AGBL4: variants seen among roughly 807,000 people sequenced by gnomAD.
AGBL4 encodes cytosolic carboxypeptidase 6.
AGBL4 carries 58 observed loss-of-function variants against 66.4 expected under a neutral mutation model. That is an observed-to-expected ratio of 0.87 (90% CI 0.71 to 1.09). AGBL4 has a LOEUF of 1.09. AGBL4 is among the 50% of genes least tolerant of loss of function. The pLI is 0.00. For missense variants in AGBL4, 579 were observed against 631.0 expected (o/e 0.92, Z 0.88); for synonymous variants, 234 against 222.9 (o/e 1.05, Z -0.44).
At chr1:49,286,511 A>G (rs1475309307) in intron 3 of AGBL4, among the ~76,000 whole-genome samples, 2 of 152,194 alleles carry the variant, frequency 1.3e-5, no homozygotes, top group Non-Finnish European at 2.9e-5. Flanking sequence ...AACTTCAGCA[A>G]AGTCTCAGGA....
In AGBL4 at chr1:48,743,984, C is replaced by A. The variant is rs189637690; in HGVS notation, c.635-80743G>T. Among the ~76,000 whole-genome samples, 30 of 152,296 alleles carry A rather than the reference C, an allele frequency of 2.0e-4. No homozygotes were observed. In the East Asian group the frequency reaches 5.4e-3, roughly 27 times the overall value. ...AATGAAACTTGCACAAAGCTGAATG[C>A]AAGATGGTTGGGGAGCAGAACAGTG... On this transcript the variant is annotated intron_variant, in intron 6 of 13. Coordinates refer to ENST00000371839, the MANE Select transcript of AGBL4 (RefSeq NM_032785.4).
At chr1:49,086,754 A>T (rs1450452089) in intron 4 of AGBL4, among the ~76,000 whole-genome samples, 1 of 152,052 alleles carries the variant, frequency 6.6e-6, no homozygotes, top group Non-Finnish European at 1.5e-5. Context: ...CCTCTGCCTG[A>T]ACTCTGTGGG....
At chr1:48,584,846 G>C (rs1007978593) in intron 11 of AGBL4, 2 of 152,126 alleles carry the variant, frequency 1.3e-5, no homozygotes, top group African/African-American at 4.8e-5. Flanking sequence ...TATGTTCTCT[G>C]TTACATTCCC....
chr1:48,735,155 T>C (rs574489833), intron 6 of AGBL4, among the ~76,000 whole-genome samples: 68 of 152,360 alleles, frequency 4.5e-4, no homozygotes, highest in African/African-American at 1.4e-3. Flanking sequence ...CAAAAACCCC[T>C]AAATCCTGAA....
chr1:48,528,512 G>A (rs145721036), downstream of AGBL4, among the ~76,000 whole-genome samples: 19 of 152,204 alleles, frequency 1.2e-4, no homozygotes, highest in East Asian at 3.5e-3. Flanking sequence ...TTCGGGCTTA[G>A]TGTCGAGGTC....
intron 3 of AGBL4, among the ~76,000 whole-genome samples, chr1:49,513,310 A>C (rs936688624): frequency 6.6e-5 from 10 of 151,990 alleles, no homozygotes; most frequent in Non-Finnish European, 1.5e-4. Context: ...ACGGGGGTAC[A>C]TGTGCAGATT....
intron 5 of AGBL4, among the ~76,000 whole-genome samples, chr1:48,965,038 C>G (rs1658307730): frequency 6.6e-6 from 1 of 152,142 alleles, no homozygotes; most frequent in Admixed American, 6.6e-5. Flanking sequence ...CTGCCTATTG[C>G]TTTCCTTCCT....
chr1:48,726,417 CAT>C (rs1204358049), intron 6 of AGBL4, among the ~76,000 whole-genome samples: 1 of 152,142 alleles, frequency 6.6e-6, no homozygotes, highest in African/African-American at 2.4e-5. Context: ...CTTAAATGAA[CAT>C]ATCTTATCAA....
intron 6 of AGBL4, among the ~76,000 whole-genome samples, chr1:48,759,553 C>T (rs2148657949): frequency 6.6e-6 from 1 of 152,314 alleles, no homozygotes. Flanking sequence ...TTTTCCTTTT[C>T]ACCACTCTGC....
At chr1:48,846,824 T>C (rs1646927857) in intron 6 of AGBL4, among the ~76,000 whole-genome samples, 1 of 152,190 alleles carries the variant, frequency 6.6e-6, no homozygotes, top group Non-Finnish European at 1.5e-5. Flanking sequence ...TCATGTATTT[T>C]TTTTTTTACT....
intron 1 of AGBL4, among the ~76,000 whole-genome samples, chr1:49,945,363 A>T (rs1204906138): frequency 6.6e-6 from 1 of 152,094 alleles, no homozygotes; most frequent in Non-Finnish European, 1.5e-5. Context: ...TTAACAGCAG[A>T]TTTCTCAGCA....
At chr1:49,430,600 T>C (rs1249182037) in intron 3 of AGBL4, among the ~76,000 whole-genome samples, 1 of 152,192 alleles carries the variant, frequency 6.6e-6, no homozygotes, top group Non-Finnish European at 1.5e-5. Context: ...AGTTAGAATA[T>C]GTCTAAAGGT....
At chr1:49,467,451 G>T (rs1557968053) in intron 3 of AGBL4, among the ~76,000 whole-genome samples, 1 of 151,552 alleles carries the variant, frequency 6.6e-6, no homozygotes. Flanking sequence ...TTTCTCTTTA[G>T]GCCTGTTTCC....
At chr1:49,413,770 G>A (rs1369733252) in intron 3 of AGBL4, among the ~76,000 whole-genome samples, 1 of 152,182 alleles carries the variant, frequency 6.6e-6, no homozygotes, top group East Asian at 1.9e-4. Context: ...ATGCAGAGGT[G>A]ACATTATGAT....
chr1:48,659,910 C>G (rs12354336), intron 7 of AGBL4, among the ~76,000 whole-genome samples: 3 of 152,240 alleles, frequency 2.0e-5, no homozygotes, highest in Non-Finnish European at 2.9e-5. Flanking sequence ...TTCACAACAA[C>G]GCTGTGAGGC....
intron 3 of AGBL4, among the ~76,000 whole-genome samples, chr1:49,441,734 G>A (rs1347140112): frequency 6.6e-6 from 1 of 152,188 alleles, no homozygotes; most frequent in Admixed American, 6.5e-5. Context: ...TGAATCCTGA[G>A]GTGGCAGGGG....
intron 6 of AGBL4, among the ~76,000 whole-genome samples, chr1:48,843,328 C>T (rs1426017036): frequency 6.6e-6 from 1 of 151,854 alleles, no homozygotes; most frequent in Non-Finnish European, 1.5e-5. Flanking sequence ...GATATTTTGC[C>T]TAGAGCTTAT....
At position 49,909,749 on chromosome 1, in the gene AGBL4, A is replaced by C. The variant is rs1320572840; in HGVS notation, c.35-58231T>G. On this transcript the variant is annotated intron_variant, in intron 1 of 13. Coordinates refer to ENST00000371839, the MANE Select transcript of AGBL4 (RefSeq NM_032785.4). ...CTAACTGTAGGGGTAGAAAAGTGGA[A>C]GCAAGGAAAACATCAGGACTCATTC... is the stretch of plus-strand genomic sequence containing the variant. 2.0e-5 allele frequency among the ~76,000 whole-genome samples: 3 copies of C among 152,352 alleles called. No individual in the cohort carries two copies. In the East Asian group the frequency reaches 5.8e-4, roughly 29 times the overall value.
intron 3 of AGBL4, among the ~76,000 whole-genome samples, chr1:49,680,917 T>C (rs1273631849): frequency 6.6e-6 from 1 of 152,034 alleles, no homozygotes; most frequent in African/African-American, 2.4e-5. Flanking sequence ...TTTTAAACTA[T>C]TGTCCTCCTG....
Sources: gnomAD v4.1 joint callset for allele counts (sites outside exome capture counted in the v4.1 genomes callset) on GRCh38, gnomAD v4.1.1 for gene constraint, MANE v1.5 for transcripts, NCBI Gene and HGNC (gene_info 2026-07-23, HGNC 2026-07-21) for gene names.